The following SPMIP2 variants were observed in gnomAD, a reference collection of about 807,000 sequenced individuals.
The protein encoded by SPMIP2 is sperm microtubule inner protein 2, also known as protein SPMIP2.
the SPMIP2 span, among the ~76,000 whole-genome samples, chr4:159,081,711 G>GAA: frequency 6.6e-6 from 1 of 151,144 alleles, no homozygotes; most frequent in African/African-American, 2.4e-5. Context: ...GAGAGAGAGA[G>GAA]AAAAAAACAA....
At chr4:158,905,192 G>GT in the SPMIP2 span, 1 of 152,400 alleles carries the variant, frequency 6.6e-6, no homozygotes, top group African/African-American at 2.4e-5. Context: ...AGTTTACCTT[G>GT]TTTCAGATGC....
At chr4:159,070,751 T>C in the SPMIP2 span, among the ~76,000 whole-genome samples, 1 of 152,214 alleles carries the variant, frequency 6.6e-6, no homozygotes. Context: ...TTTTTATCAC[T>C]TAAATGTATG....
At chr4:158,899,705 A>G in the SPMIP2 span, among the ~76,000 whole-genome samples, 3 of 151,938 alleles carry the variant, frequency 2.0e-5, no homozygotes, top group African/African-American at 4.8e-5. Context: ...TCTCCCCTTT[A>G]TCATTTTTTG....
chr4:158,967,560 C>CT, the SPMIP2 span, among the ~76,000 whole-genome samples: 1 of 152,104 alleles, frequency 6.6e-6, no homozygotes, highest in Non-Finnish European at 1.5e-5. Context: ...TTCTATTTTG[C>CT]TTTTATAAGT....
At chr4:158,954,142 G>C in the SPMIP2 span, among the ~76,000 whole-genome samples, 35 of 152,272 alleles carry the variant, frequency 2.3e-4, no homozygotes, top group African/African-American at 7.9e-4. Flanking sequence ...GTTTGGCTCT[G>C]TGTCCCCACC....
the SPMIP2 span, among the ~76,000 whole-genome samples, chr4:159,074,513 C>T: frequency 2.0e-5 from 3 of 152,128 alleles, no homozygotes. Flanking sequence ...GGACAAGCCA[C>T]TTCCCTCCAA....
chr4:159,081,038 CTTTTT>C, the SPMIP2 span, among the ~76,000 whole-genome samples: 2 of 118,404 alleles, frequency 1.7e-5, no homozygotes. Flanking sequence ...GTTTCTTTCT[CTTTTT>C]TTTTTTTTTT....
At chr4:158,969,635 G>C in the SPMIP2 span, among the ~76,000 whole-genome samples, 1 of 152,182 alleles carries the variant, frequency 6.6e-6, no homozygotes, top group Non-Finnish European at 1.5e-5. Context: ...CAAAAAGCCA[G>C]ATGATCTGCA....
the SPMIP2 span, among the ~76,000 whole-genome samples, chr4:158,937,754 A>G: frequency 3.2e-3 from 489 of 152,352 alleles, 6 homozygotes; most frequent in Middle Eastern, 0.027. Context: ...TGAACAGTCT[A>G]TGTAATATAG....
At chr4:159,049,204 CTTA>C in the SPMIP2 span, among the ~76,000 whole-genome samples, 6 of 152,232 alleles carry the variant, frequency 3.9e-5, no homozygotes, top group East Asian at 1.2e-3. Context: ...CACAGATTAG[CTTA>C]TTATTTTTAT....
chr4:158,960,831 A>C, the SPMIP2 span, among the ~76,000 whole-genome samples: 1 of 152,124 alleles, frequency 6.6e-6, no homozygotes, highest in Non-Finnish European at 1.5e-5. Flanking sequence ...GGCATAATTC[A>C]GAGTATTGAT....
the SPMIP2 span, among the ~76,000 whole-genome samples, chr4:158,917,060 C>A: frequency 6.6e-6 from 1 of 152,164 alleles, no homozygotes; most frequent in Non-Finnish European, 1.5e-5. Context: ...ACCATCCTGG[C>A]CAACATGGCA....
At chr4:158,943,767 G>A in the SPMIP2 span, among the ~76,000 whole-genome samples, 53 of 151,280 alleles carry the variant, frequency 3.5e-4, no homozygotes, top group East Asian at 8.4e-3. Flanking sequence ...AGTGCTCCAC[G>A]CAGTAAGCCC....
the SPMIP2 span, among the ~76,000 whole-genome samples, chr4:158,964,895 G>A: frequency 6.6e-6 from 1 of 152,134 alleles, no homozygotes; most frequent in South Asian, 2.1e-4. Context: ...TCACCAACAG[G>A]AGAACATCAC....
chr4:159,069,076 G>A, the SPMIP2 span, among the ~76,000 whole-genome samples: 1 of 152,170 alleles, frequency 6.6e-6, no homozygotes, highest in East Asian at 1.9e-4. Flanking sequence ...GCTGAGGTGG[G>A]TGGATCACCT....
chr4:159,067,548 T>C, the SPMIP2 span, among the ~76,000 whole-genome samples: 7 of 152,172 alleles, frequency 4.6e-5, no homozygotes, highest in Non-Finnish European at 1.0e-4. Flanking sequence ...TGAACTTCTA[T>C]AAATGACAAA....
At chr4:159,031,996 C>A in the SPMIP2 span, among the ~76,000 whole-genome samples, 68 of 152,168 alleles carry the variant, frequency 4.5e-4, no homozygotes, top group South Asian at 8.3e-4. Flanking sequence ...CTGAGGCGGG[C>A]AGATCACCGG....
At chr4:158,930,191 GTCTC>G in the SPMIP2 span, among the ~76,000 whole-genome samples, 100 of 144,228 alleles carry the variant, frequency 6.9e-4, no homozygotes, top group Middle Eastern at 3.4e-3. Flanking sequence ...GAGGATCTCA[GTCTC>G]TCTCTCTCTC....
chr4:158,919,604 A>G, the SPMIP2 span, among the ~76,000 whole-genome samples: 12 of 152,154 alleles, frequency 7.9e-5, no homozygotes, highest in Non-Finnish European at 1.8e-4. Context: ...CCTTTATACC[A>G]TCACATTTCT....
Sources: gnomAD v4.1 joint callset for allele counts (sites outside exome capture counted in the v4.1 genomes callset) on GRCh38, gnomAD v4.1.1 for gene constraint, MANE v1.5 for transcripts, NCBI Gene and HGNC (gene_info 2026-07-23, HGNC 2026-07-21) for gene names.